EDA: variants seen among roughly 807,000 people sequenced by gnomAD.
EDA encodes ectodysplasin A, also known as ectodysplasin-A.
A neutral mutation model predicts 23.6 loss-of-function variants in EDA; 2 were observed. The ratio of observed to expected loss-of-function variants is 0.08; its 90% CI spans 0.03 to 0.27. EDA has a LOEUF of 0.27. EDA is among the 10% of genes least tolerant of loss of function. EDA has a pLI of 1.00. For synonymous variants in EDA, 131 were observed against 132.0 expected, an observed-to-expected ratio of 0.99 and a Z score of 0.05; for missense variants, 229 against 324.2, an observed-to-expected ratio of 0.71 and a Z score of 2.26.
chrX:69,726,002 C>A (rs1311281141), intron 1 of EDA, among the ~76,000 whole-genome samples: 1 of 111,482 alleles, frequency 9.0e-6, no homozygotes, highest in Non-Finnish European at 1.9e-5. Flanking sequence ...AACTAAGAGA[C>A]AGATAAGATG....
At chrX:69,821,997 G>A (rs2016238660) in intron 1 of EDA, among the ~76,000 whole-genome samples, 1 of 111,163 alleles carries the variant, frequency 9.0e-6, no homozygotes, top group Non-Finnish European at 1.9e-5. Flanking sequence ...ACTGAAAATT[G>A]GGAGGCCAGG....
intron 1 of EDA, among the ~76,000 whole-genome samples, chrX:69,775,916 A>T (rs886197524): frequency 8.9e-6 from 1 of 111,849 alleles, no homozygotes; most frequent in South Asian, 3.7e-4. Flanking sequence ...TCATTACTTA[A>T]TTAACTGATC....
chrX:69,619,865 A>G (rs923785031), intron 1 of EDA, among the ~76,000 whole-genome samples: 36 of 112,183 alleles, frequency 3.2e-4, no homozygotes, highest in Admixed American at 2.6e-3. Flanking sequence ...GTCAAAAACA[A>G]CAAAACAAAC....
At chrX:69,844,742 A>G (rs1343061305) in intron 1 of EDA, among the ~76,000 whole-genome samples, 1 of 112,480 alleles carries the variant, frequency 8.9e-6, no homozygotes, top group East Asian at 2.8e-4. Flanking sequence ...AAGTCCCACA[A>G]GCATAATTTA....
At chrX:69,703,669 C>T (rs993525787) in intron 1 of EDA, among the ~76,000 whole-genome samples, 2 of 111,591 alleles carry the variant, frequency 1.8e-5, no homozygotes, top group Non-Finnish European at 3.8e-5. Context: ...GCCTCTCTCT[C>T]GGTCTTCAGG....
chrX:69,616,752 G>A, intron 1 of EDA, 48 bp downstream of exon 1: 1 of 1,204,397 alleles, frequency 8.3e-7, no homozygotes, highest in Non-Finnish European at 1.1e-6. Flanking sequence ...CTCGCGGGTA[G>A]GGCGAGGGCC....
At chrX:69,712,034 T>C (rs1019629219) in intron 1 of EDA, among the ~76,000 whole-genome samples, 2 of 110,972 alleles carry the variant, frequency 1.8e-5, no homozygotes, top group African/African-American at 6.5e-5. Context: ...TGCCTGCTGC[T>C]AGCTTTTGAA....
At chrX:69,800,016 A>G (rs963130168) in intron 1 of EDA, among the ~76,000 whole-genome samples, 2 of 112,051 alleles carry the variant, frequency 1.8e-5, no homozygotes, top group Non-Finnish European at 3.8e-5. Context: ...TGTATACACA[A>G]TGTAATACTA....
At chrX:69,926,801 GA>G (rs1266964930) in intron 1 of EDA, among the ~76,000 whole-genome samples, 2 of 111,732 alleles carry the variant, frequency 1.8e-5, no homozygotes, top group Non-Finnish European at 3.8e-5. Context: ...AAGTCTCTTC[GA>G]AGGTCTCTAA....
chrX:69,787,652 G>A (rs1293518180), intron 1 of EDA, among the ~76,000 whole-genome samples: 3 of 111,432 alleles, frequency 2.7e-5, no homozygotes, highest in Non-Finnish European at 3.8e-5. Flanking sequence ...AGTTTCTGCC[G>A]AGAGATCCGT....
chrX:69,718,041 C>A (rs983621971), intron 1 of EDA, among the ~76,000 whole-genome samples: 1 of 111,798 alleles, frequency 8.9e-6, no homozygotes, highest in African/African-American at 3.2e-5. Flanking sequence ...CCGTGATTGG[C>A]CTCCCCAGAA....
At chrX:69,719,599 G>A (rs1421125937) in intron 1 of EDA, among the ~76,000 whole-genome samples, 1 of 110,696 alleles carries the variant, frequency 9.0e-6, no homozygotes, top group Non-Finnish European at 1.9e-5. Flanking sequence ...AGAACATGCG[G>A]CATTTGTTTT....
At chrX:69,786,776 G>C (rs1350834072) in intron 1 of EDA, among the ~76,000 whole-genome samples, 5 of 111,242 alleles carry the variant, frequency 4.5e-5, no homozygotes, top group African/African-American at 1.3e-4. Flanking sequence ...TGTTGATTTG[G>C]GGTGGAGAGT....
At chrX:69,636,801 A>G (rs1453876857) in intron 1 of EDA, among the ~76,000 whole-genome samples, 2 of 110,846 alleles carry the variant, frequency 1.8e-5, no homozygotes, top group African/African-American at 6.6e-5. Flanking sequence ...TTTTCTTGGG[A>G]CCTGGACTTA....
chrX:69,910,370 AGAGAGTGTGTGTGTGTGT>A (rs1473782749), intron 1 of EDA, among the ~76,000 whole-genome samples: 20 of 46,150 alleles, frequency 4.3e-4, no homozygotes, highest in African/African-American at 1.3e-3. Flanking sequence ...AGAGAGAGAG[AGAGAGTGTGTGTGTGTGT>A]GTGTGTGTGT....
intron 1 of EDA, among the ~76,000 whole-genome samples, chrX:69,632,368 G>C (rs769726822): frequency 1.1e-4 from 12 of 111,736 alleles, no homozygotes; most frequent in African/African-American, 3.9e-4. Context: ...TCTGTCCCCA[G>C]GTCCCCCTGT....
At chrX:69,903,268 C>T (rs187234394) in intron 1 of EDA, among the ~76,000 whole-genome samples, 38 of 111,345 alleles carry the variant, frequency 3.4e-4, no homozygotes, top group African/African-American at 1.2e-3. Flanking sequence ...TGAAAGGGTC[C>T]TCTGAGATCA....
At chrX:69,681,979 G>A (rs986898440) in intron 1 of EDA, among the ~76,000 whole-genome samples, 5 of 109,502 alleles carry the variant, frequency 4.6e-5, no homozygotes, top group Non-Finnish European at 1.9e-5. Context: ...TTTGATGATC[G>A]TGATGTACAG....
chrX:69,977,641 G>A (rs534505674), intron 2 of EDA, among the ~76,000 whole-genome samples: 140 of 112,190 alleles, frequency 1.2e-3, no homozygotes, highest in African/African-American at 4.4e-3. Context: ...CAAATGAACA[G>A]CATGGAAGAG....
Sources: allele counts gnomAD v4.1 joint callset (sites outside exome capture counted in the v4.1 genomes callset), GRCh38; gene constraint gnomAD v4.1.1; transcripts MANE v1.5; gene names NCBI Gene and HGNC (gene_info 2026-07-23, HGNC 2026-07-21).